The following NRXN1 variants were observed in gnomAD, a reference collection of about 807,000 sequenced individuals.
NRXN1 encodes the protein neurexin-1.
NRXN1 carries 39 observed loss-of-function variants against 150.9 expected under a neutral mutation model. The ratio of observed to expected loss-of-function variants is 0.26; its 90% CI spans 0.20 to 0.34. The LOEUF is 0.34. NRXN1 is among the 10% of genes least tolerant of loss of function. The probability of loss-of-function intolerance (pLI) is 1.00; values close to 1 mark genes in which losing one functional copy is unlikely to be tolerated. For missense variants in NRXN1, 1,815 were observed against 1,949.9 expected, an observed-to-expected ratio of 0.93 and a Z score of 1.30; for synonymous variants, 924 against 757.0, an observed-to-expected ratio of 1.22 and a Z score of -3.62.
intron 17 of NRXN1, among the ~76,000 whole-genome samples, chr2:50,340,332 A>T (rs573818979): frequency 2.0e-5 from 3 of 152,184 alleles, no homozygotes; most frequent in African/African-American, 4.8e-5. Flanking sequence ...ACAAGCTTCT[A>T]TGTGGAGAGA....
At chr2:50,906,366 T>C (rs1344296345) in intron 5 of NRXN1, among the ~76,000 whole-genome samples, 1 of 152,110 alleles carries the variant, frequency 6.6e-6, no homozygotes, top group Non-Finnish European at 1.5e-5. Flanking sequence ...CATGAAAATC[T>C]GGGAAGCAGT....
intron 5 of NRXN1, among the ~76,000 whole-genome samples, chr2:50,659,777 G>T (rs748581272): frequency 1.1e-4 from 16 of 149,038 alleles, no homozygotes; most frequent in Admixed American, 2.0e-4. Context: ...TTTTCAACAG[G>T]ACTTCCCTTT....
chr2:50,738,347 T>C (rs1383311914), intron 5 of NRXN1, among the ~76,000 whole-genome samples: 1 of 152,228 alleles, frequency 6.6e-6, no homozygotes. Flanking sequence ...CAGTTGTGTA[T>C]GTATTCCAAA....
chr2:50,247,480 T>G (rs559055338), intron 17 of NRXN1, among the ~76,000 whole-genome samples: 1 of 152,270 alleles, frequency 6.6e-6, no homozygotes, highest in South Asian at 2.1e-4. Flanking sequence ...CAAATTCAGG[T>G]TCTCCAAATA....
At chr2:50,748,098 C>A (rs539627535) in intron 5 of NRXN1, among the ~76,000 whole-genome samples, 1 of 152,268 alleles carries the variant, frequency 6.6e-6, no homozygotes, top group South Asian at 2.1e-4. Context: ...ACTGTCCCCA[C>A]GTATAGACGA....
In NRXN1 at chr2:50,497,418, G is replaced by A; in HGVS notation, c.2794C>T (p.Gln932Ter). The stretch of plus-strand genomic sequence containing the variant: ...CCATCTAGGGATGTTGTCTTGAACT[G>A]GAAAAAAAGATGCATAGAAGTGTAG... ...QAYTSMHLFF[Q>*]FKTTSLDGLI... Residue 932 changes from glutamine (Q) to a stop codon, truncating the protein, a stop_gained, in exon 14 of 23, where the codon CAG (glutamine) becomes TAG (stop). Transcript: ENST00000401669. LOFTEE classifies it high-confidence loss of function. The A allele has an allele frequency of 6.2e-7, 1 of 1,609,850 alleles. No individual in the cohort carries two copies. The highest frequency in any genetic ancestry group is 8.5e-7 in the Non-Finnish European group (1 of 1,177,488).
intron 8 of NRXN1, among the ~76,000 whole-genome samples, chr2:50,583,587 C>T (rs1402716337): frequency 1.3e-5 from 2 of 152,072 alleles, no homozygotes; most frequent in Admixed American, 6.5e-5. Context: ...GCACAACACT[C>T]GATATATAGG....
At chr2:50,475,988 C>T (rs1208677388) in intron 15 of NRXN1, among the ~76,000 whole-genome samples, 1 of 151,988 alleles carries the variant, frequency 6.6e-6, no homozygotes, top group South Asian at 2.1e-4. Flanking sequence ...CATGGGCAAC[C>T]AGTAAAAGCC....
At chr2:50,710,058 A>G (rs569881170) in intron 5 of NRXN1, among the ~76,000 whole-genome samples, 1 of 152,318 alleles carries the variant, frequency 6.6e-6, no homozygotes, top group East Asian at 1.9e-4. Flanking sequence ...ATGTGCAATG[A>G]ATAAACAAGA....
At chr2:50,675,099 T>C (rs1689367715) in intron 5 of NRXN1, among the ~76,000 whole-genome samples, 1 of 151,976 alleles carries the variant, frequency 6.6e-6, no homozygotes, top group Non-Finnish European at 1.5e-5. Context: ...CCTTCTGCCA[T>C]GAGAAAAACC....
At chr2:50,429,708 T>G (rs535097010) in intron 17 of NRXN1, among the ~76,000 whole-genome samples, 28 of 152,308 alleles carry the variant, frequency 1.8e-4, no homozygotes, top group African/African-American at 6.7e-4. Flanking sequence ...TAATTTTGTA[T>G]GTATTACCTA....
intron 2 of NRXN1, among the ~76,000 whole-genome samples, chr2:50,952,335 C>G (rs980397667): frequency 6.6e-6 from 1 of 151,968 alleles, no homozygotes; most frequent in African/African-American, 2.4e-5. Flanking sequence ...CATACAAATA[C>G]AAGACAATTA....
intron 8 of NRXN1, among the ~76,000 whole-genome samples, chr2:50,565,723 C>T (rs1001245801): frequency 2.0e-5 from 3 of 151,968 alleles, no homozygotes; most frequent in African/African-American, 7.3e-5. Context: ...GTGAATAGTA[C>T]CAGCCTACTT....
intron 5 of NRXN1, among the ~76,000 whole-genome samples, chr2:50,811,469 C>T (rs190326132): frequency 3.9e-5 from 6 of 152,304 alleles, no homozygotes; most frequent in African/African-American, 1.2e-4. Context: ...GTTCACCTCA[C>T]ATTTTTATCT....
intron 18 of NRXN1, among the ~76,000 whole-genome samples, chr2:50,118,074 G>T (rs979304288): frequency 3.3e-5 from 5 of 152,134 alleles, no homozygotes; most frequent in Non-Finnish European, 7.4e-5. Context: ...AAATGAATGT[G>T]AAGGTAAAGG....
At chr2:50,936,723 G>A (rs982725283) in intron 2 of NRXN1, among the ~76,000 whole-genome samples, 6 of 151,968 alleles carry the variant, frequency 3.9e-5, no homozygotes, top group Admixed American at 2.0e-4. Flanking sequence ...TAATTAATAT[G>A]GCTCAGAGCA....
At chr2:50,284,946 C>A (rs369592047) in intron 17 of NRXN1, among the ~76,000 whole-genome samples, 1 of 152,110 alleles carries the variant, frequency 6.6e-6, no homozygotes, top group African/African-American at 2.4e-5. Context: ...ACAAAAACAT[C>A]ACCAAACTTC....
intron 18 of NRXN1, among the ~76,000 whole-genome samples, chr2:50,185,970 A>C (rs1441783002): frequency 6.6e-6 from 1 of 152,094 alleles, no homozygotes; most frequent in African/African-American, 2.4e-5. Flanking sequence ...GTATAGTTCC[A>C]AATGTTAAAA....
At chr2:50,960,893 T>C (rs1693066369) in intron 2 of NRXN1, among the ~76,000 whole-genome samples, 1 of 152,042 alleles carries the variant, frequency 6.6e-6, no homozygotes, top group South Asian at 2.1e-4. Context: ...ACAAATTAAC[T>C]TGTAACTTCA....
Sources: gnomAD v4.1 joint callset for allele counts (sites outside exome capture counted in the v4.1 genomes callset) on GRCh38, gnomAD v4.1.1 for gene constraint, MANE v1.5 for transcripts, NCBI Gene and HGNC (gene_info 2026-07-23, HGNC 2026-07-21) for gene names.